Variants in PSMC4 observed in about 807,000 individuals in gnomAD.
The protein encoded by PSMC4 is 26S proteasome regulatory subunit 6B.
Under a neutral mutation model 48.4 loss-of-function variants are expected in PSMC4, and 13 were observed. The ratio of observed to expected loss-of-function variants is 0.27; its 90% confidence interval spans 0.18 to 0.43. The LOEUF (loss-of-function observed/expected upper bound fraction) is 0.43, where lower values mean the gene tolerates loss of function less well. PSMC4 is among the 20% of genes least tolerant of loss of function. PSMC4 has a pLI of 1.00. For missense variants in PSMC4, 262 were observed against 555.9 expected, an observed-to-expected ratio of 0.47 and a Z score of 5.32; for synonymous variants, 202 against 212.3, an observed-to-expected ratio of 0.95 and a Z score of 0.42.
Position 39,974,710 on chromosome 19 carries a change from T to A in PSMC4, c.580-25T>A, listed in dbSNP as rs1971170515. 2 of 1,613,224 alleles carry A rather than the reference T, an allele frequency of 1.2e-6. No individual in the cohort carries two copies. The highest frequency in any genetic ancestry group is 1.7e-5 in the Admixed American group (1 of 59,994). On this transcript the variant is annotated intron_variant, in intron 5 of 10. Transcript: ENST00000157812. This position sits in a 1 kb window ranked among gnomAD's most constrained non-coding sequence, Gnocchi z 5.5. ...TGGAGGTGGAACCCCTGACTCCCAC[T>A]TCTCTTCCTTCCTCTGGGTTTCAGA... is the stretch of plus-strand genomic sequence containing the variant.
intron 3 of PSMC4, among the ~76,000 whole-genome samples, 182 bp downstream of exon 3, chr19:39,972,737 GT>G (rs796670495): frequency 2.9e-5 from 4 of 137,136 alleles, no homozygotes; most frequent in African/African-American, 1.4e-4. Context: ...GTATATCTAT[GT>G]TTTTTTTGTT....
rs766330843 is a variant in PSMC4 at position 39,981,426 on chromosome 19, G to C, written c.*121G>C. 2.7e-5 allele frequency: 18 copies of C among 676,498 alleles called. No individual in the cohort carries two copies. Among genetic ancestry groups the C allele is most frequent in the Non-Finnish European group, 4.7e-5 (18 of 383,874 alleles). 41.9% of individuals were successfully genotyped at this position (676,498 alleles called of 1,614,324 possible). On this transcript the variant is annotated 3_prime_UTR_variant, in exon 11 of 11. Coordinates refer to ENST00000157812, the MANE Select transcript of PSMC4 (RefSeq NM_006503.4). ...CCAGGATTGGTTTCTTCAATAAATA[G>C]ATAAGATCGAATCCATTTAATTTCT...
intron 6 of PSMC4, among the ~76,000 whole-genome samples, chr19:39,977,770 G>A (rs965172746): frequency 1.2e-4 from 18 of 151,876 alleles, no homozygotes; most frequent in East Asian, 3.9e-4. Context: ...TGCAGTGAGC[G>A]AAGATCGCAC....
At position 39,974,950 on chromosome 19, in the gene PSMC4, A is replaced by G. The variant is rs956064351; in HGVS notation, c.673+122A>G. 3 of 952,168 alleles carry G rather than the reference A, an allele frequency of 3.2e-6. No individual in the cohort carries two copies. Among genetic ancestry groups the G allele is most frequent in the South Asian group, 1.6e-5 (1 of 62,924 alleles). The allele number at this position is 952,168 out of a possible 1,614,324, so 59.0% of individuals were successfully genotyped here. On this transcript the variant is annotated intron_variant, in intron 6 of 10. Transcript: ENST00000157812. The surrounding 1 kb of genome is among the most constrained non-coding windows in gnomAD (Gnocchi z 5.5). ...CTCTGGGGTCATAGCCCACGTGTGC[A>G]TGTTACTGGCTGTGCTGACTTCACC... is the stretch of plus-strand genomic sequence containing the variant.
At chr19:39,972,582 A>G (rs751677978) in intron 3 of PSMC4, 27 bp downstream of exon 3, 54 of 1,587,606 alleles carry the variant, frequency 3.4e-5, no homozygotes, top group African/African-American at 1.7e-4. Flanking sequence ...TCATTCATTC[A>G]TCTGTCCACT....
chr19:39,975,603 C>T (rs1971185039), intron 6 of PSMC4, among the ~76,000 whole-genome samples: 1 of 152,086 alleles, frequency 6.6e-6, no homozygotes, highest in Admixed American at 6.6e-5. Context: ...AATCTTACTC[C>T]CCCAGCAACT....
chr19:39,979,506 A>G (rs1398463209), intron 6 of PSMC4: 1 of 204,620 alleles, frequency 4.9e-6, no homozygotes, highest in Non-Finnish European at 9.7e-6. Flanking sequence ...AGTTGTGGTG[A>G]GCCGAGATTG....
chr19:39,980,727 G>T lies in PSMC4; in HGVS notation c.1143+10G>T. ...CTCCATCTGTCAGGAGGTAAGTGGTGGTTTCTCTCTGGATCCAGGCAGCGG... is the reference window on the plus strand; with the variant it reads ...CTCCATCTGTCAGGAGGTAAGTGGTTGTTTCTCTCTGGATCCAGGCAGCGG... On this transcript the variant is annotated intron_variant, in intron 10 of 10. Coordinates refer to ENST00000157812, the MANE Select transcript of PSMC4 (RefSeq NM_006503.4). This position sits in a 1 kb window ranked among gnomAD's most constrained non-coding sequence, Gnocchi z 4.8. 6.2e-7 allele frequency: 1 copy of T among 1,613,590 alleles called. No individual in the cohort carries two copies. The highest frequency in any genetic ancestry group is 8.5e-7 in the Non-Finnish European group (1 of 1,179,534).
chr19:39,974,627 C>T lies in PSMC4; in HGVS notation c.573C>T (p.Tyr191=), dbSNP rs1039050447. The change falls in exon 5 of 11, where the codon TAC becomes TAT. Residue 191 remains tyrosine, a synonymous_variant. Transcript: ENST00000157812. The surrounding 1 kb of genome is among the most constrained non-coding windows in gnomAD (Gnocchi z 5.5). The part of the protein sequence containing the change: ...VELPLTHFEL[Y]KQIGIDPPRG... ...TCCCGCTCACGCATTTCGAGCTCTACAAGCAGGTGAGGCGGTGCAGGTGGC... is the reference window on the plus strand; with the variant it reads ...TCCCGCTCACGCATTTCGAGCTCTATAAGCAGGTGAGGCGGTGCAGGTGGC... The T allele has an allele frequency of 3.7e-6, 6 of 1,613,922 alleles. No individual in the cohort carries two copies. The African/African-American group carries it at 4.0e-5, about 11-fold the overall frequency.
chr19:39,981,071 G>A, intron 10 of PSMC4, 121 bp from the exon 11 acceptor site: 1 of 726,754 alleles, frequency 1.4e-6, no homozygotes, highest in Non-Finnish European at 2.4e-6. Flanking sequence ...TGCCCAGGCT[G>A]GTCTCGAACT....
intron 1 of PSMC4, 33 bp downstream of exon 1, chr19:39,971,271 C>T: frequency 6.2e-7 from 1 of 1,613,668 alleles, no homozygotes; most frequent in Non-Finnish European, 8.5e-7. Context: ...TTAGTCCGGG[C>T]CGGGCTCGCG....
rs1971096397 is a variant in PSMC4, at chr19:39,971,258, T to A, written c.36+20T>A. On this transcript the variant is annotated intron_variant, in intron 1 of 10. Coordinates refer to ENST00000157812, the MANE Select transcript of PSMC4 (RefSeq NM_006503.4). Reference sequence around the variant, plus strand: ...GCTCAGGTACAGTGGGGACTTGGGCTTTTTAGTCCGGGCCGGGCTCGCGGG... The same window carrying A: ...GCTCAGGTACAGTGGGGACTTGGGCATTTTAGTCCGGGCCGGGCTCGCGGG... 6.2e-7 allele frequency: 1 copy of A among 1,613,602 alleles called. No homozygotes were observed.
rs767242949 is a variant in PSMC4 at position 39,979,885 on chromosome 19, C to T, written c.742C>T (p.Arg248Trp). 6.2e-7 allele frequency: 1 copy of T among 1,613,906 alleles called. No individual in the cohort carries two copies. Among genetic ancestry groups the T allele is most frequent in the Non-Finnish European group, 8.5e-7 (1 of 1,180,002 alleles). The change falls in exon 7 of 11, where the codon CGG (arginine) becomes TGG (tryptophan). Residue 248 changes from arginine to tryptophan, a missense_variant. This residue lies in a region of PSMC4 where 14 missense variants were observed against 86.0 expected (regional missense o/e 0.16). Coordinates refer to ENST00000157812, the MANE Select transcript of PSMC4 (RefSeq NM_006503.4). ...KYLGEGPRMV[R>W]DVFRLAKENA... ...TCTGGGTGAGGGCCCCCGCATGGTCCGGGATGTGTTCCGCCTGGCCAAGGA... is the reference window on the plus strand; with the variant it reads ...TCTGGGTGAGGGCCCCCGCATGGTCTGGGATGTGTTCCGCCTGGCCAAGGA...
intron 6 of PSMC4, among the ~76,000 whole-genome samples, chr19:39,978,916 G>C (rs1169821257): frequency 6.6e-6 from 1 of 152,168 alleles, no homozygotes; most frequent in African/African-American, 2.4e-5. Flanking sequence ...GGAGGCTGAA[G>C]AGGGAGGATT....
In PSMC4 at chr19:39,981,291, G is replaced by C; in HGVS notation, c.1243G>C (p.Glu415Gln). ...CATCAAGAAGGACGAGCAGGAGCAT[G>C]AGTTTTACAAGTGACCCTTCCCTTC... The part of the protein sequence containing the change: ...TVIKKDEQEH[E>Q]FYK Residue 415 changes from glutamate (E) to glutamine (Q), a missense_variant, in exon 11 of 11, where the codon GAG (glutamate) becomes CAG (glutamine). By Grantham distance (29) the Glu-to-Gln change is conservative. Around this residue, in one of 4 missense-constraint regions of PSMC4, gnomAD observed 84 missense variants for 157.8 expected, o/e 0.53. Coordinates refer to ENST00000157812, the MANE Select transcript of PSMC4 (RefSeq NM_006503.4). The C allele has an allele frequency of 6.2e-7, 1 of 1,613,790 alleles. No individual in the cohort carries two copies. The highest frequency in any genetic ancestry group is 8.5e-7 in the Non-Finnish European group (1 of 1,179,692).
At chr19:39,972,109 T>A (rs747292075) in intron 1 of PSMC4, 37 bp from the exon 2 acceptor site, 1 of 1,572,248 alleles carries the variant, frequency 6.4e-7, no homozygotes, top group Admixed American at 1.7e-5. Context: ...ATGAGAGGAC[T>A]GTCTTCTTCC....
intron 3 of PSMC4, among the ~76,000 whole-genome samples, chr19:39,973,573 A>C (rs1267252059): frequency 6.9e-5 from 8 of 116,388 alleles, no homozygotes; most frequent in South Asian, 3.3e-4. Context: ...ACAGAGCAAC[A>C]CTCTGTCTAA....
At chr19:39,971,345 G>T in intron 1 of PSMC4, 107 bp downstream of exon 1, 1 of 1,440,264 alleles carries the variant, frequency 6.9e-7, no homozygotes, top group Non-Finnish European at 9.7e-7. Flanking sequence ...GGCCCAGGTT[G>T]GGGTTATTTT....
chr19:39,981,002 C>A (rs58216589), intron 10 of PSMC4, among the ~76,000 whole-genome samples, 190 bp from the exon 11 acceptor site: 327 of 139,096 alleles, frequency 2.4e-3, no homozygotes, highest in African/African-American at 9.9e-3. Context: ...GGATTACAGG[C>A]GCCCACCACC....
Sources: allele counts gnomAD v4.1 joint callset (sites outside exome capture counted in the v4.1 genomes callset), GRCh38; gene constraint gnomAD v4.1.1; regional missense constraint gnomAD v4.1.1; non-coding constraint Gnocchi (gnomAD v3.1); transcripts MANE v1.5; gene names NCBI Gene and HGNC (gene_info 2026-07-23, HGNC 2026-07-21).